Variants in NCOA3 observed in about 807,000 individuals in gnomAD.
NCOA3 encodes nuclear receptor coactivator 3.
A neutral mutation model predicts 158.8 loss-of-function variants in NCOA3; 51 were observed. That is an observed-to-expected ratio of 0.32 (90% CI 0.26 to 0.41). NCOA3 has a LOEUF of 0.41. NCOA3 is among the 10% of genes least tolerant of loss of function. The pLI is 1.00. For missense variants in NCOA3, 1,510 were observed against 1,746.6 expected, an observed-to-expected ratio of 0.86 and a Z score of 2.41; for synonymous variants, 537 against 592.4, an observed-to-expected ratio of 0.91 and a Z score of 1.36.
intron 2 of NCOA3, among the ~76,000 whole-genome samples, chr20:47,614,196 TGAAA>T (rs1320311278): frequency 6.6e-6 from 1 of 152,148 alleles, no homozygotes; most frequent in African/African-American, 2.4e-5. Flanking sequence ...AATGACGGAT[TGAAA>T]GAAAGAAGAT....
intron 9 of NCOA3, 104 bp from the exon 10 acceptor site, chr20:47,633,944 G>T: frequency 7.1e-7 from 1 of 1,405,492 alleles, no homozygotes; most frequent in Non-Finnish European, 9.7e-7. Flanking sequence ...GTCTTTCCTT[G>T]GATTTTTAGA....
chr20:47,619,838 A>C lies in NCOA3; in HGVS notation c.-19-2391A>C, dbSNP rs112683850. 7.1e-3 allele frequency among the ~76,000 whole-genome samples: 1,073 copies of C among 152,148 alleles called. 20 individuals carry two copies. Among genetic ancestry groups the C allele is most frequent in the African/African-American group, 0.024 (1,016 of 41,510 alleles). ...GAGATGGAGTCACACTCTGTTACCCAGGCCTGGAGTGCAGTGGCGGGATCT... is the reference window on the plus strand; with the variant it reads ...GAGATGGAGTCACACTCTGTTACCCCGGCCTGGAGTGCAGTGGCGGGATCT... On this transcript the variant is annotated intron_variant, in intron 2 of 22. Transcript: ENST00000371998.
At chr20:47,605,970 T>A (rs980143443) in intron 2 of NCOA3, among the ~76,000 whole-genome samples, 1 of 152,216 alleles carries the variant, frequency 6.6e-6, no homozygotes, top group African/African-American at 2.4e-5. Flanking sequence ...ATTTACTTAC[T>A]TATCTGCTTA....
At chr20:47,533,958 A>C (rs1268220489) in intron 1 of NCOA3, among the ~76,000 whole-genome samples, 1 of 152,050 alleles carries the variant, frequency 6.6e-6, no homozygotes, top group African/African-American at 2.4e-5. Context: ...AACAAAACAC[A>C]AAAAACCCAG....
intron 2 of NCOA3, among the ~76,000 whole-genome samples, chr20:47,586,813 T>C (rs1271973278): frequency 6.6e-6 from 1 of 152,218 alleles, no homozygotes; most frequent in African/African-American, 2.4e-5. Flanking sequence ...TAGATTAAGA[T>C]GTTATGGATT....
intron 1 of NCOA3, among the ~76,000 whole-genome samples, chr20:47,520,284 TGA>T (rs1417948043): frequency 6.6e-6 from 1 of 150,900 alleles, no homozygotes; most frequent in Non-Finnish European, 1.5e-5. Flanking sequence ...CTTCTCTCTC[TGA>T]CTCTGTCTCT....
At chr20:47,623,880 CT>C in intron 3 of NCOA3, 30 bp from the exon 4 acceptor site, 2 of 1,591,506 alleles carry the variant, frequency 1.3e-6, no homozygotes, top group Non-Finnish European at 1.7e-6. Context: ...ATTATGTCTC[CT>C]TTCCCCCCTT....
chr20:47,564,472 ATC>A (rs2085159942), intron 1 of NCOA3, among the ~76,000 whole-genome samples: 2 of 152,064 alleles, frequency 1.3e-5, no homozygotes, highest in African/African-American at 2.4e-5. Context: ...ACAAACTGAA[ATC>A]TCTCACCTCA....
At chr20:47,514,604 G>A (rs936362913) in intron 1 of NCOA3, among the ~76,000 whole-genome samples, 1 of 151,850 alleles carries the variant, frequency 6.6e-6, no homozygotes, top group Non-Finnish European at 1.5e-5. Flanking sequence ...TGTTGGCCTG[G>A]CTGGTCTCAA....
In NCOA3 at chr20:47,636,736, A is replaced by G; in HGVS notation, c.2350A>G (p.Lys784Glu). 1 of 1,611,870 alleles carries G rather than the reference A, an allele frequency of 6.2e-7. No individual in the cohort carries two copies. The highest frequency in any genetic ancestry group is 8.5e-7 in the Non-Finnish European group (1 of 1,178,418). ...TAGCTCAAGTCAAGAGAAAGACCCT[A>G]AAATTAAGACAGAGACAAGTGAAGA... ...IPSSSQEKDP[K>E]IKTETSEEGS... Residue 784 changes from lysine (K) to glutamate (E), a missense_variant, in exon 12 of 23, where the codon AAA (lysine) becomes GAA (glutamate). Physicochemically the swap from Lys to Glu is moderately conservative, Grantham distance 56. Transcript: ENST00000371998.
At chr20:47,629,548 C>G (rs2086380276) in intron 8 of NCOA3, among the ~76,000 whole-genome samples, 1 of 152,160 alleles carries the variant, frequency 6.6e-6, no homozygotes, top group Non-Finnish European at 1.5e-5. Context: ...TCAGGCTGGT[C>G]TCAAAGTCCT....
chr20:47,577,798 G>A (rs1256682417), intron 1 of NCOA3, among the ~76,000 whole-genome samples: 3 of 152,258 alleles, frequency 2.0e-5, no homozygotes, highest in East Asian at 1.9e-4. Flanking sequence ...CAGAAGCCAA[G>A]GCGTCTGTTT....
chr20:47,614,972 G>T (rs1308535970), intron 2 of NCOA3, among the ~76,000 whole-genome samples: 2 of 152,190 alleles, frequency 1.3e-5, no homozygotes, highest in African/African-American at 4.8e-5. Context: ...TGATTCAGTA[G>T]TACAAATGGC....
intron 1 of NCOA3, among the ~76,000 whole-genome samples, chr20:47,554,410 C>A (rs1032151422): frequency 3.9e-5 from 6 of 152,050 alleles, no homozygotes; most frequent in African/African-American, 1.5e-4. Flanking sequence ...TTAATTAGAT[C>A]TCATTTGTCA....
intron 10 of NCOA3, 72 bp from the exon 11 acceptor site, chr20:47,635,250 A>T: frequency 7.0e-7 from 1 of 1,434,360 alleles, no homozygotes; most frequent in Non-Finnish European, 9.4e-7. Flanking sequence ...ATTTTATTTT[A>T]TTTTAAATCT....
intron 1 of NCOA3, among the ~76,000 whole-genome samples, chr20:47,517,420 A>G (rs1008441394): frequency 6.7e-6 from 1 of 150,178 alleles, no homozygotes; most frequent in African/African-American, 2.5e-5. Context: ...TGATGCAATT[A>G]CATTTTCTTC....
chr20:47,550,224 G>T (rs1362826570), intron 1 of NCOA3, among the ~76,000 whole-genome samples: 2 of 151,260 alleles, frequency 1.3e-5, no homozygotes, highest in African/African-American at 2.4e-5. Flanking sequence ...GTGGGCAAAT[G>T]ACCTGAGGTT....
intron 1 of NCOA3, among the ~76,000 whole-genome samples, chr20:47,563,182 C>A (rs931869351): frequency 7.2e-5 from 11 of 152,186 alleles, no homozygotes; most frequent in Non-Finnish European, 1.2e-4. Context: ...CTAATCTATC[C>A]TTTTTATATT....
At chr20:47,510,624 T>G (rs1019849524) in intron 1 of NCOA3, among the ~76,000 whole-genome samples, 3 of 151,958 alleles carry the variant, frequency 2.0e-5, no homozygotes, top group Non-Finnish European at 4.4e-5. Context: ...GAGAGGGTCT[T>G]GCTCTGTCAT....
Sources: allele counts gnomAD v4.1 joint callset (sites outside exome capture counted in the v4.1 genomes callset), GRCh38; gene constraint gnomAD v4.1.1; transcripts MANE v1.5; gene names NCBI Gene and HGNC (gene_info 2026-07-23, HGNC 2026-07-21).